The following KIZ variants were observed in gnomAD, a reference collection of about 807,000 sequenced individuals.
KIZ encodes the protein centrosomal protein kizuna.
Under a neutral mutation model 79.6 loss-of-function variants are expected in KIZ, and 68 were observed. The ratio of observed to expected loss-of-function variants is 0.85; its 90% CI spans 0.70 to 1.05. The LOEUF (loss-of-function observed/expected upper bound fraction) is 1.05. Ranked by LOEUF, KIZ falls within the 50% of genes least tolerant of loss-of-function variation. The probability of loss-of-function intolerance (pLI) is 0.00; values close to 1 mark genes in which losing one functional copy is unlikely to be tolerated. For missense variants in KIZ, 797 were observed against 800.4 expected, an observed-to-expected ratio of 1.00 and a Z score of 0.05; for synonymous variants, 280 against 281.8, an observed-to-expected ratio of 0.99 and a Z score of 0.06.
intron 3 of KIZ, among the ~76,000 whole-genome samples, chr20:21,143,596 T>C (rs1215805430): frequency 6.6e-6 from 1 of 152,204 alleles, no homozygotes; most frequent in Non-Finnish European, 1.5e-5. Flanking sequence ...AAGGTTCTGC[T>C]AAATTTAGGT....
intron 6 of KIZ, among the ~76,000 whole-genome samples, chr20:21,186,325 TATG>T (rs1346073600): frequency 6.6e-6 from 1 of 151,882 alleles, no homozygotes; most frequent in African/African-American, 2.4e-5. Flanking sequence ...CACATGGACA[TATG>T]ATGTCCATGT....
intron 6 of KIZ, among the ~76,000 whole-genome samples, chr20:21,168,700 A>T (rs1377711016): frequency 1.3e-5 from 2 of 152,206 alleles, no homozygotes; most frequent in Admixed American, 1.3e-4. Context: ...AGGCTACAGT[A>T]ACCAAAACAG....
At chr20:21,159,482 T>C (rs1377088240) in intron 4 of KIZ, among the ~76,000 whole-genome samples, 4 of 152,146 alleles carry the variant, frequency 2.6e-5, no homozygotes, top group African/African-American at 9.7e-5. Flanking sequence ...AATCACTGTT[T>C]ACCTCCCCCC....
Position 21,140,015 on chromosome 20 carries a change from G to A in KIZ, c.315+3463G>A, listed in dbSNP as rs146072075. Among the ~76,000 whole-genome samples the A allele has an allele frequency of 1.7e-3, 265 of 152,274 alleles. 1 individual carries two copies. Among genetic ancestry groups the A allele is most frequent in the Admixed American group, 3.8e-3 (58 of 15,302 alleles). ...CAATGAATGTTTGTTGTGTGCCTAC[G>A]AACCCAGACAGCAATGTCAGCGACC... On this transcript the variant is annotated intron_variant, in intron 3 of 12. Coordinates refer to ENST00000619189, the MANE Select transcript of KIZ (RefSeq NM_018474.6).
intron 4 of KIZ, among the ~76,000 whole-genome samples, chr20:21,152,116 C>T (rs1178727756): frequency 6.6e-6 from 1 of 152,156 alleles, no homozygotes; most frequent in Admixed American, 6.5e-5. Flanking sequence ...CAAACCTTAC[C>T]AGCAAGGAAT....
At chr20:21,203,237 G>T (rs1394509201) in intron 6 of KIZ, among the ~76,000 whole-genome samples, 1 of 151,970 alleles carries the variant, frequency 6.6e-6, no homozygotes, top group African/African-American at 2.4e-5. Flanking sequence ...CTATTGATTT[G>T]TTGGAGGAAT....
chr20:21,246,451 T>C (rs1224046113), intron 12 of KIZ, 28 bp from the exon 13 acceptor site: 1 of 1,414,126 alleles, frequency 7.1e-7, no homozygotes, highest in Non-Finnish European at 1.0e-6. Flanking sequence ...GCAAAAATGT[T>C]AAATAACTGT....
intron 6 of KIZ, among the ~76,000 whole-genome samples, chr20:21,166,028 G>A (rs560785607): frequency 3.3e-5 from 5 of 152,028 alleles, no homozygotes; most frequent in Admixed American, 6.6e-5. Context: ...GTGCAATGGC[G>A]CAACCTCGGC....
intron 3 of KIZ, among the ~76,000 whole-genome samples, chr20:21,141,244 G>C (rs957892889): frequency 5.3e-5 from 8 of 152,198 alleles, no homozygotes; most frequent in Admixed American, 5.2e-4. Context: ...ACAGGGATTT[G>C]ACGGTAAGTG....
At chr20:21,238,334 T>TGTGA (rs562429766) in intron 11 of KIZ, among the ~76,000 whole-genome samples, 4 of 95,662 alleles carry the variant, frequency 4.2e-5, no homozygotes, top group African/African-American at 1.2e-4. Flanking sequence ...CATAAGGGTG[T>TGTGA]GAGAGAGAGA....
intron 4 of KIZ, among the ~76,000 whole-genome samples, chr20:21,148,353 C>T (rs1337547547): frequency 6.6e-6 from 1 of 152,128 alleles, no homozygotes; most frequent in Non-Finnish European, 1.5e-5. Flanking sequence ...AAAACTCTGG[C>T]TCAGTTTTGG....
chr20:21,139,469 G>A (rs2032393643), intron 3 of KIZ, among the ~76,000 whole-genome samples: 1 of 152,140 alleles, frequency 6.6e-6, no homozygotes, highest in Non-Finnish European at 1.5e-5. Context: ...TTCAAAAAAA[G>A]TTGTCATTAT....
chr20:21,222,038 T>C (rs1047237351), intron 9 of KIZ, among the ~76,000 whole-genome samples: 1 of 152,242 alleles, frequency 6.6e-6, no homozygotes, highest in Non-Finnish European at 1.5e-5. Flanking sequence ...GGATTGTCCA[T>C]TGAAAGTCCA....
At chr20:21,231,108 G>A (rs369958892) in intron 10 of KIZ, among the ~76,000 whole-genome samples, 5 of 152,266 alleles carry the variant, frequency 3.3e-5, no homozygotes, top group African/African-American at 1.2e-4. Context: ...CAAGGGAGGC[G>A]GATCACCTGA....
At chr20:21,136,358 C>G (rs1568907626) in intron 2 of KIZ, 32 bp from the exon 3 acceptor site, 4 of 1,233,360 alleles carry the variant, frequency 3.2e-6, no homozygotes, top group Non-Finnish European at 4.6e-6. Context: ...CAAGTCTAGT[C>G]CATTGTTTTA....
At chr20:21,140,046 A>G (rs184841438) in intron 3 of KIZ, among the ~76,000 whole-genome samples, 389 of 152,276 alleles carry the variant, frequency 2.6e-3, no homozygotes, top group Non-Finnish European at 3.5e-3. Context: ...CGACCCCTCC[A>G]GTGATCCCAT....
intron 4 of KIZ, among the ~76,000 whole-genome samples, chr20:21,153,247 C>A (rs576569493): frequency 6.6e-6 from 1 of 152,260 alleles, no homozygotes; most frequent in Non-Finnish European, 1.5e-5. Context: ...TTGTTGTTCT[C>A]CACTAGGGTA....
chr20:21,132,583 G>T (rs771800801), intron 2 of KIZ, among the ~76,000 whole-genome samples: 1 of 151,216 alleles, frequency 6.6e-6, no homozygotes, highest in Non-Finnish European at 1.5e-5. Flanking sequence ...GCCCAGCCTA[G>T]TTGGAGTACT....
rs2236178 is a variant in KIZ, at chr20:21,162,172, T to C, written c.707T>C (p.Met236Thr). The C allele has an allele frequency of 0.68, 1,090,057 of 1,610,774 alleles. 370,643 individuals carry two copies. The highest frequency in any genetic ancestry group is 0.78 in the South Asian group (71,169 of 90,948). ...GCATCTCTTCAGATTGGTGAGAAAA[T>C]GCCAGTCACAGCCAGTGTATTGTCT... ...GKASLQIGEK[M>T]PVTASVLSEE... The change falls in exon 5 of 13, where the codon ATG becomes ACG. Residue 236 changes from methionine to threonine, a missense_variant. Transcript: ENST00000619189.
Sources: gnomAD v4.1 joint callset for allele counts (sites outside exome capture counted in the v4.1 genomes callset) on GRCh38, gnomAD v4.1.1 for gene constraint, MANE v1.5 for transcripts, NCBI Gene and HGNC (gene_info 2026-07-23, HGNC 2026-07-21) for gene names.